PIK3C2G: variants seen among roughly 807,000 people sequenced by gnomAD.
PIK3C2G encodes phosphatidylinositol-4-phosphate 3-kinase catalytic subunit type 2 gamma.
Under a neutral mutation model 181.1 loss-of-function variants are expected in PIK3C2G, and 168 were observed. The ratio of observed to expected loss-of-function variants is 0.93; its 90% CI spans 0.82 to 1.05. The LOEUF is 1.05. Among genes scored for constraint, PIK3C2G ranks in the 50% least tolerant of loss-of-function variants. The pLI, the probability that PIK3C2G is intolerant of heterozygous loss-of-function variation, is 0.00. For missense variants in PIK3C2G, 1,869 were observed against 1,732.8 expected (o/e 1.08, Z -1.40); for synonymous variants, 573 against 592.2 (o/e 0.97, Z 0.47).
At chr12:18,274,605 A>T (rs936472398) in intron 1 of PIK3C2G, among the ~76,000 whole-genome samples, 10 of 152,272 alleles carry the variant, frequency 6.6e-5, no homozygotes, top group Non-Finnish European at 1.5e-4. Flanking sequence ...TTGAACAATG[A>T]GAACACATGG....
At position 18,511,162 on chromosome 12, in the gene PIK3C2G, CCT is replaced by C. The variant is rs552204763; in HGVS notation, c.3323+5704_3323+5705del. On this transcript the variant is annotated intron_variant, in intron 24 of 32. Transcript: ENST00000538779. ...TGTTGTCATAAATGACAGAATTTCC[CCT>C]CTTTTAAAACTAAATAGTATTTCAT... Among the ~76,000 whole-genome samples, 704 of 152,202 alleles carry C rather than the reference CCT, an allele frequency of 4.6e-3. 3 individuals carry two copies. Among genetic ancestry groups the C allele is most frequent in the African/African-American group, 0.016 (664 of 41,556 alleles).
At chr12:18,354,484 G>A (rs905988445) in intron 11 of PIK3C2G, among the ~76,000 whole-genome samples, 1 of 152,222 alleles carries the variant, frequency 6.6e-6, no homozygotes, top group Non-Finnish European at 1.5e-5. Flanking sequence ...GCCAATAGGA[G>A]GGATGGATCA....
chr12:18,516,714 C>T (rs1479795172), intron 24 of PIK3C2G, among the ~76,000 whole-genome samples: 1 of 151,870 alleles, frequency 6.6e-6, no homozygotes, highest in African/African-American at 2.4e-5. Context: ...TCTTGAAGCT[C>T]ACTGACTTTT....
chr12:18,266,039 A>AAG (rs1948482589), intron 1 of PIK3C2G, among the ~76,000 whole-genome samples: 1 of 139,840 alleles, frequency 7.2e-6, no homozygotes, highest in Non-Finnish European at 1.6e-5. Flanking sequence ...AAAAAAAAAA[A>AAG]AACACTACGC....
intron 29 of PIK3C2G, among the ~76,000 whole-genome samples, chr12:18,592,186 G>A (rs1214039356): frequency 6.6e-6 from 1 of 151,822 alleles, no homozygotes; most frequent in Admixed American, 6.6e-5. Flanking sequence ...TTAGATTTAT[G>A]CATCATTATA....
At chr12:18,663,469 A>G in the PIK3C2G span, among the ~76,000 whole-genome samples, 6 of 152,292 alleles carry the variant, frequency 3.9e-5, no homozygotes, top group East Asian at 9.7e-4. Flanking sequence ...GGATATGCAT[A>G]GGTTATATGC....
At chr12:18,246,074 T>C (rs531478533), upstream of PIK3C2G, among the ~76,000 whole-genome samples, 2 of 152,272 alleles carry the variant, frequency 1.3e-5, no homozygotes, top group African/African-American at 4.8e-5. Context: ...TTTAGAAGTA[T>C]CTTTATCTCA....
At chr12:18,422,152 T>C (rs59245177) in intron 17 of PIK3C2G, among the ~76,000 whole-genome samples, 1,660 of 152,158 alleles carry the variant, frequency 0.011, 27 homozygotes, top group African/African-American at 0.038. Context: ...AGGAATGTCA[T>C]TGAGACCCAT....
At chr12:18,719,070 C>A in the PIK3C2G span, among the ~76,000 whole-genome samples, 2 of 152,132 alleles carry the variant, frequency 1.3e-5, no homozygotes, top group Non-Finnish European at 2.9e-5. Flanking sequence ...TTAATTTTAA[C>A]CATACTTATT....
chr12:18,640,861 C>T (rs796795159), intron 32 of PIK3C2G, among the ~76,000 whole-genome samples: 9 of 152,218 alleles, frequency 5.9e-5, no homozygotes, highest in African/African-American at 2.2e-4. Flanking sequence ...ACCTTATTCT[C>T]CTTTACCTGA....
intron 13 of PIK3C2G, among the ~76,000 whole-genome samples, chr12:18,377,581 A>G (rs939674280): frequency 6.6e-6 from 1 of 152,172 alleles, no homozygotes; most frequent in African/African-American, 2.4e-5. Flanking sequence ...TCTGAAGACC[A>G]TTGATTTTGT....
At chr12:18,379,339 GAACATC>G (rs1208169168) in intron 13 of PIK3C2G, among the ~76,000 whole-genome samples, 9 of 125,438 alleles carry the variant, frequency 7.2e-5, no homozygotes, top group Non-Finnish European at 6.3e-5. Flanking sequence ...ACAGGAAGGA[GAACATC>G]ACACACTGGG....
the PIK3C2G span, among the ~76,000 whole-genome samples, chr12:18,687,615 T>C: frequency 6.6e-5 from 10 of 152,136 alleles, no homozygotes; most frequent in Admixed American, 2.6e-4. Flanking sequence ...GACTGAATTA[T>C]CCAAAAATTC....
intron 29 of PIK3C2G, among the ~76,000 whole-genome samples, chr12:18,575,162 C>T (rs1251205143): frequency 2.0e-5 from 3 of 152,044 alleles, no homozygotes; most frequent in African/African-American, 7.2e-5. Context: ...TAGTCAGGAG[C>T]AAGAAGAGGT....
the PIK3C2G span, among the ~76,000 whole-genome samples, chr12:18,702,949 T>C: frequency 6.6e-6 from 1 of 151,056 alleles, no homozygotes; most frequent in Non-Finnish European, 1.5e-5. Flanking sequence ...GCCTCCCAAG[T>C]AGCTGGGATT....
chr12:18,503,330 C>T lies in PIK3C2G; in HGVS notation c.3066C>T (p.Arg1022=). 2 of 1,611,028 alleles carry T rather than the reference C, an allele frequency of 1.2e-6. No homozygotes were observed. The highest frequency in any genetic ancestry group is 8.5e-7 in the Non-Finnish European group (1 of 1,177,844). The change falls in exon 23 of 33, where the codon CGC becomes CGT. Residue 1022 remains arginine, a synonymous_variant. Coordinates refer to ENST00000538779, the MANE Select transcript of PIK3C2G (RefSeq NM_001288772.2). ...PDAVTLAKIH[R]HSGLIGPLKE... is the part of the protein sequence containing the mutation. ...CTGTGACCCTAGCAAAGATTCATCG[C>T]CATTCTGGACTGATAGGACCATTGA...
intron 31 of PIK3C2G, 94 bp from the exon 32 acceptor site, chr12:18,640,335 C>A: frequency 2.0e-6 from 2 of 1,022,502 alleles, no homozygotes; most frequent in Non-Finnish European, 2.8e-6. Context: ...GTAATAAATC[C>A]TGATCCTGCC....
At chr12:18,338,136 C>T (rs1477876287) in intron 8 of PIK3C2G, among the ~76,000 whole-genome samples, 1 of 152,126 alleles carries the variant, frequency 6.6e-6, no homozygotes, top group African/African-American at 2.4e-5. Flanking sequence ...TCTTCCTTAC[C>T]ACTTCCTCTC....
chr12:18,484,262 G>T (rs982915372), intron 18 of PIK3C2G, among the ~76,000 whole-genome samples: 4 of 152,160 alleles, frequency 2.6e-5, no homozygotes, highest in Non-Finnish European at 5.9e-5. Context: ...CTACCACACA[G>T]TGTGGGAACA....
Sources: gnomAD v4.1 joint callset for allele counts (sites outside exome capture counted in the v4.1 genomes callset) on GRCh38, gnomAD v4.1.1 for gene constraint, MANE v1.5 for transcripts, NCBI Gene and HGNC (gene_info 2026-07-23, HGNC 2026-07-21) for gene names.